The following CDH18 variants were observed in gnomAD, a reference collection of about 807,000 sequenced individuals.
CDH18 encodes the protein cadherin 18, also known as cadherin-18.
CDH18 carries 31 observed loss-of-function variants against 67.9 expected under a neutral mutation model. The ratio of observed to expected loss-of-function variants is 0.46; its 90% CI spans 0.34 to 0.62. The LOEUF (loss-of-function observed/expected upper bound fraction) is 0.62, where lower values mean the gene tolerates loss of function less well. CDH18 is among the 20% of genes least tolerant of loss of function. CDH18 has a pLI of 0.01. For synonymous variants in CDH18, 362 were observed against 347.2 expected (o/e 1.04, Z -0.48); for missense variants, 890 against 975.5 (o/e 0.91, Z 1.17).
intron 1 of CDH18, among the ~76,000 whole-genome samples, chr5:20,325,381 G>A (rs969892956): frequency 6.6e-6 from 1 of 152,080 alleles, no homozygotes. Flanking sequence ...ATAAGACAAT[G>A]TCTCCTTTTT....
chr5:20,261,033 C>T (rs886179327), intron 1 of CDH18, among the ~76,000 whole-genome samples: 3 of 152,152 alleles, frequency 2.0e-5, no homozygotes, highest in African/African-American at 7.2e-5. Flanking sequence ...GCTGTTTTAA[C>T]CCAGTACATT....
At chr5:20,356,856 CACAT>C (rs1053279810) in intron 1 of CDH18, among the ~76,000 whole-genome samples, 4 of 147,908 alleles carry the variant, frequency 2.7e-5, no homozygotes, top group East Asian at 4.2e-4. Flanking sequence ...TATATACACA[CACAT>C]ACATATATAC....
At chr5:20,542,156 TCAGA>T (rs1757086076) in intron 1 of CDH18, among the ~76,000 whole-genome samples, 1 of 152,076 alleles carries the variant, frequency 6.6e-6, no homozygotes, top group Non-Finnish European at 1.5e-5. Context: ...ATGTTCACCA[TCAGA>T]GTTCAGTTTT....
At chr5:20,555,424 T>C (rs1757849919) in intron 1 of CDH18, among the ~76,000 whole-genome samples, 1 of 13,622 alleles carries the variant, frequency 7.3e-5, no homozygotes. Context: ...TTTTTTTTTT[T>C]TTTTTTTTTT....
chr5:19,940,476 C>G (rs1794703782), intron 2 of CDH18, among the ~76,000 whole-genome samples: 1 of 145,984 alleles, frequency 6.9e-6, no homozygotes. Context: ...ATCGAAGAGA[C>G]CTACACTTAG....
chr5:20,176,216 G>C (rs767917272), intron 2 of CDH18, among the ~76,000 whole-genome samples: 23 of 152,074 alleles, frequency 1.5e-4, no homozygotes, highest in Non-Finnish European at 3.2e-4. Flanking sequence ...CACCGATCTG[G>C]GTCAGGTTAG....
At chr5:20,160,050 T>C (rs905391355) in intron 2 of CDH18, among the ~76,000 whole-genome samples, 1 of 152,216 alleles carries the variant, frequency 6.6e-6, no homozygotes, top group South Asian at 2.1e-4. Context: ...AAAAATTTTG[T>C]CTCAGCAAAT....
intron 2 of CDH18, among the ~76,000 whole-genome samples, chr5:20,219,174 A>G (rs1324065499): frequency 6.6e-6 from 1 of 151,990 alleles, no homozygotes; most frequent in Non-Finnish European, 1.5e-5. Context: ...ACAACCAATA[A>G]TGTTGAAATT....
chr5:20,237,408 T>C (rs1327685735), intron 2 of CDH18, among the ~76,000 whole-genome samples: 1 of 151,862 alleles, frequency 6.6e-6, no homozygotes, highest in African/African-American at 2.4e-5. Flanking sequence ...ACAGGTGAAA[T>C]GATTATCCAT....
intron 1 of CDH18, among the ~76,000 whole-genome samples, chr5:20,348,606 G>C (rs1740900631): frequency 6.6e-6 from 1 of 152,090 alleles, no homozygotes; most frequent in South Asian, 2.1e-4. Context: ...AGAGACTTCA[G>C]GGAATTTGCA....
At chr5:19,815,575 T>C (rs1285242519) in intron 3 of CDH18, among the ~76,000 whole-genome samples, 1 of 151,724 alleles carries the variant, frequency 6.6e-6, no homozygotes, top group East Asian at 1.9e-4. Context: ...AAAAAAAAAT[T>C]GAAGGTTGTC....
intron 2 of CDH18, among the ~76,000 whole-genome samples, chr5:19,998,693 G>T (rs1471880378): frequency 2.0e-5 from 3 of 151,970 alleles, no homozygotes; most frequent in Non-Finnish European, 4.4e-5. Context: ...GAGTTAAGGG[G>T]GAGAATCCTT....
intron 1 of CDH18, among the ~76,000 whole-genome samples, chr5:20,489,297 T>C (rs775762450): frequency 1.3e-5 from 2 of 152,062 alleles, no homozygotes; most frequent in Non-Finnish European, 2.9e-5. Context: ...AAACAAATGA[T>C]ACCAGACAAT....
chr5:19,801,287 G>A (rs1034917950), intron 3 of CDH18, among the ~76,000 whole-genome samples: 7 of 152,080 alleles, frequency 4.6e-5, no homozygotes, highest in East Asian at 3.8e-4. Context: ...CTAAGTACAC[G>A]TATGTTTCAT....
chr5:19,473,223 C>G lies in CDH18; in HGVS notation c.*3G>C, dbSNP rs1297450901. 2 of 1,611,732 alleles carry G rather than the reference C, an allele frequency of 1.2e-6. No individual in the cohort carries two copies. On this transcript the variant is annotated 3_prime_UTR_variant, in exon 13 of 13. Coordinates refer to ENST00000382275, the MANE Select transcript of CDH18 (RefSeq NM_004934.5). ...ATTCCACAAGGTTGCAAGAACTGACCCCCTAAGTTGTTCTTTCAGATTCTA... is the reference window on the plus strand; with the variant it reads ...ATTCCACAAGGTTGCAAGAACTGACGCCCTAAGTTGTTCTTTCAGATTCTA...
At chr5:20,297,772 A>G (rs10069061) in intron 1 of CDH18, among the ~76,000 whole-genome samples, 11,959 of 152,188 alleles carry the variant, frequency 0.079, 821 homozygotes, top group African/African-American at 0.18. Context: ...GGATAGTGTG[A>G]TCCAAATGAA....
At chr5:19,987,515 T>C (rs1301269268) in intron 1 of CDH18, among the ~76,000 whole-genome samples, 2 of 151,790 alleles carry the variant, frequency 1.3e-5, no homozygotes, top group Admixed American at 6.6e-5. Flanking sequence ...AATAAGCATT[T>C]AAGGCAGGGA....
chr5:20,420,987 T>C (rs1747816585), intron 1 of CDH18, among the ~76,000 whole-genome samples: 1 of 151,370 alleles, frequency 6.6e-6, no homozygotes, highest in South Asian at 2.1e-4. Context: ...TGTTTTTTCC[T>C]GCTTTAATAA....
chr5:19,960,543 A>G (rs1402533975), intron 2 of CDH18, among the ~76,000 whole-genome samples: 1 of 132,760 alleles, frequency 7.5e-6, no homozygotes, highest in Non-Finnish European at 1.6e-5. Context: ...GATGTTTAAT[A>G]TACGTGTGTG....
Sources: allele counts gnomAD v4.1 joint callset (sites outside exome capture counted in the v4.1 genomes callset), GRCh38; gene constraint gnomAD v4.1.1; transcripts MANE v1.5; gene names NCBI Gene and HGNC (gene_info 2026-07-23, HGNC 2026-07-21).